The following TBXAS1 variants were observed in gnomAD, a reference collection of about 807,000 sequenced individuals.
The protein encoded by TBXAS1 is thromboxane-A synthase.
A neutral mutation model predicts 60.7 loss-of-function variants in TBXAS1; 48 were observed. The ratio of observed to expected loss-of-function variants is 0.79; its 90% CI spans 0.63 to 1.01. The LOEUF is 1.01. Among genes scored for constraint, TBXAS1 ranks in the 50% least tolerant of loss-of-function variants. TBXAS1 has a pLI of 0.00. For missense variants in TBXAS1, 685 were observed against 686.3 expected (o/e 1.00, Z 0.02); for synonymous variants, 287 against 269.7 (o/e 1.06, Z -0.63).
At chr7:139,811,860 T>C (rs1374621643) in intron 4 of TBXAS1, among the ~76,000 whole-genome samples, 3 of 152,248 alleles carry the variant, frequency 2.0e-5, no homozygotes, top group Non-Finnish European at 4.4e-5. Context: ...ACAGTGACTC[T>C]GGCCAGGTAG....
chr7:139,784,224 TTCTCTC>T (rs369608853), intron 3 of TBXAS1, among the ~76,000 whole-genome samples: 1 of 148,906 alleles, frequency 6.7e-6, no homozygotes, highest in Non-Finnish European at 1.5e-5. Flanking sequence ...CTTTCATTCT[TTCTCTC>T]TCTCTCTCTC....
chr7:140,019,490 A>G (rs548494777), intron 12 of TBXAS1, among the ~76,000 whole-genome samples: 1 of 152,270 alleles, frequency 6.6e-6, no homozygotes, highest in Admixed American at 6.5e-5. Context: ...CTGCTCAGAC[A>G]AGTGCTGGGG....
intron 9 of TBXAS1, among the ~76,000 whole-genome samples, chr7:140,005,904 G>A (rs184843934): frequency 1.1e-4 from 16 of 152,278 alleles, no homozygotes; most frequent in East Asian, 5.8e-4. Flanking sequence ...ACAGGTTCCC[G>A]GGTGATGCTG....
At chr7:139,816,635 G>A (rs559208553) in intron 4 of TBXAS1, among the ~76,000 whole-genome samples, 71 of 152,312 alleles carry the variant, frequency 4.7e-4, no homozygotes, top group Middle Eastern at 3.4e-3. Flanking sequence ...GCAAATTCTA[G>A]GGCCCCAACC....
intron 4 of TBXAS1, among the ~76,000 whole-genome samples, chr7:139,929,026 A>T (rs956220169): frequency 3.3e-5 from 5 of 152,178 alleles, no homozygotes; most frequent in Non-Finnish European, 5.9e-5. Flanking sequence ...AGAGAAAAAC[A>T]GCTCACGAGA....
At chr7:140,003,953 C>T (rs1043474263) in intron 9 of TBXAS1, among the ~76,000 whole-genome samples, 2 of 152,170 alleles carry the variant, frequency 1.3e-5, no homozygotes, top group Admixed American at 6.5e-5. Flanking sequence ...CATGGGGCAC[C>T]GAGAAATGGT....
chr7:139,936,657 G>A (rs557450050), intron 5 of TBXAS1, among the ~76,000 whole-genome samples: 18 of 152,336 alleles, frequency 1.2e-4, no homozygotes, highest in Admixed American at 7.8e-4. Context: ...ATCACCTAGG[G>A]ATCTGGCTAC....
chr7:139,875,416 C>A (rs921103293), intron 2 of TBXAS1, among the ~76,000 whole-genome samples, 169 bp from the exon 3 acceptor site: 1 of 151,998 alleles, frequency 6.6e-6, no homozygotes, highest in African/African-American at 2.4e-5. Flanking sequence ...TTTTTTAAAG[C>A]CTTTTGTTTA....
At chr7:139,890,510 C>T (rs1325773994) in intron 3 of TBXAS1, among the ~76,000 whole-genome samples, 3 of 152,060 alleles carry the variant, frequency 2.0e-5, no homozygotes, top group African/African-American at 7.2e-5. Context: ...CCACCGCGCC[C>T]GGCCAGGATG....
intron 3 of TBXAS1, among the ~76,000 whole-genome samples, chr7:139,882,951 C>T (rs1266252233): frequency 2.0e-5 from 3 of 152,122 alleles, no homozygotes; most frequent in African/African-American, 7.2e-5. Flanking sequence ...TGTAAGAGCA[C>T]CTTTTTTAAA....
At chr7:139,820,255 G>A (rs1029961667) in intron 4 of TBXAS1, among the ~76,000 whole-genome samples, 1 of 152,096 alleles carries the variant, frequency 6.6e-6, no homozygotes, top group African/African-American at 2.4e-5. Context: ...ATCCAGCCAT[G>A]AGGAGGGGCG....
intron 1 of TBXAS1, among the ~76,000 whole-genome samples, chr7:139,835,846 T>C (rs1799021031): frequency 6.6e-6 from 1 of 152,118 alleles, no homozygotes; most frequent in Admixed American, 6.6e-5. Flanking sequence ...CTGTCACTGT[T>C]TGCTGACAAT....
At chr7:139,783,351 C>CAA (rs112605966) in intron 3 of TBXAS1, among the ~76,000 whole-genome samples, 4,228 of 136,756 alleles carry the variant, frequency 0.031, 97 homozygotes, top group African/African-American at 0.064. Flanking sequence ...GGAAATATGG[C>CAA]AAAAAAAAAA....
intron 3 of TBXAS1, among the ~76,000 whole-genome samples, chr7:139,889,129 T>C (rs919947029): frequency 3.3e-5 from 5 of 151,678 alleles, no homozygotes; most frequent in East Asian, 1.9e-4. Context: ...GCCCAGGAGT[T>C]TGAGACAGCC....
intron 4 of TBXAS1, among the ~76,000 whole-genome samples, chr7:139,932,214 T>C (rs937019247): frequency 1.3e-5 from 2 of 150,216 alleles, no homozygotes; most frequent in Admixed American, 1.3e-4. Context: ...TTATGTTACA[T>C]GTATTTTGCC....
intron 3 of TBXAS1, among the ~76,000 whole-genome samples, chr7:139,911,014 G>A (rs1805474797): frequency 6.6e-6 from 1 of 152,156 alleles, no homozygotes; most frequent in Admixed American, 6.5e-5. Flanking sequence ...GGTGCAAGGT[G>A]GCATTCCATG....
chr7:139,826,143 C>T (rs370150349), upstream of TBXAS1, among the ~76,000 whole-genome samples: 12 of 152,308 alleles, frequency 7.9e-5, no homozygotes, highest in South Asian at 1.0e-3. Flanking sequence ...CTCCATGCTG[C>T]CGGGCCATCA....
intron 1 of TBXAS1, among the ~76,000 whole-genome samples, chr7:139,866,935 T>A (rs112559874): frequency 3.3e-5 from 5 of 152,108 alleles, no homozygotes; most frequent in African/African-American, 1.2e-4. Flanking sequence ...CTTCAAAATG[T>A]GTCTTGGAAA....
intron 4 of TBXAS1, among the ~76,000 whole-genome samples, chr7:139,816,714 A>C (rs1295604702): frequency 2.0e-5 from 3 of 152,244 alleles, no homozygotes; most frequent in Non-Finnish European, 4.4e-5. Flanking sequence ...CGAGTTCTGC[A>C]GGTGATTCCG....
Sources: allele counts gnomAD v4.1 joint callset (sites outside exome capture counted in the v4.1 genomes callset), GRCh38; gene constraint gnomAD v4.1.1; transcripts MANE v1.5; gene names NCBI Gene and HGNC (gene_info 2026-07-23, HGNC 2026-07-21).